CALN1: variants seen among roughly 807,000 people sequenced by gnomAD.
CALN1 encodes the protein calcium-binding protein 8.
Under a neutral mutation model 30.6 loss-of-function variants are expected in CALN1, and 17 were observed. That is an observed-to-expected ratio of 0.56 (90% CI 0.38 to 0.83). CALN1 has a LOEUF of 0.83. CALN1 is among the 40% of genes least tolerant of loss of function. CALN1 has a pLI of 0.00. For missense variants in CALN1, 291 were observed against 354.9 expected (o/e 0.82, Z 1.45); for synonymous variants, 156 against 131.4 (o/e 1.19, Z -1.28).
chr7:72,235,941 A>G (rs1277253576), intron 3 of CALN1, among the ~76,000 whole-genome samples: 3 of 151,886 alleles, frequency 2.0e-5, no homozygotes, highest in African/African-American at 7.3e-5. Context: ...TGGGGTCCAA[A>G]TAACCTGATT....
Position 72,328,710 on chromosome 7 carries a change from T to G in CALN1, c.120-49900A>C, listed in dbSNP as rs115989237. Among the ~76,000 whole-genome samples, 1,046 of 152,358 alleles carry G rather than the reference T, an allele frequency of 6.9e-3. 14 individuals are homozygous for G. Among genetic ancestry groups the G allele is most frequent in the African/African-American group, 0.024 (1,003 of 41,586 alleles). The stretch of plus-strand genomic sequence containing the variant: ...ATCGGTGTCTACATTTATTTACTTT[T>G]GTTGAGACAGAGTCTCGCTCTGTTG... On this transcript the variant is annotated intron_variant, in intron 2 of 6. Transcript: ENST00000395275.
At chr7:72,023,848 C>T (rs17428133) in intron 4 of CALN1, 79 bp from the exon 5 acceptor site, 60,910 of 938,686 alleles carry the variant, frequency 0.065, 2,202 homozygotes, top group Non-Finnish European at 0.073. Flanking sequence ...AACACCTCTA[C>T]GCTTTTCTTC....
At chr7:72,334,571 C>G (rs1352894625) in intron 2 of CALN1, among the ~76,000 whole-genome samples, 1 of 152,100 alleles carries the variant, frequency 6.6e-6, no homozygotes, top group East Asian at 1.9e-4. Context: ...TCAATCAAGT[C>G]TTGCCCATCG....
chr7:72,030,012 A>C (rs844684), intron 4 of CALN1, among the ~76,000 whole-genome samples: 40,699 of 152,038 alleles, frequency 0.27, 9,170 homozygotes, highest in African/African-American at 0.61. Context: ...ATGCAAATGG[A>C]AATTGTCTAA....
At chr7:71,916,482 T>C (rs1305176446) in intron 5 of CALN1, among the ~76,000 whole-genome samples, 1 of 152,032 alleles carries the variant, frequency 6.6e-6, no homozygotes, top group African/African-American at 2.4e-5. Flanking sequence ...TAGAATACTA[T>C]GCAACCATAA....
intron 2 of CALN1, among the ~76,000 whole-genome samples, chr7:72,318,054 T>C (rs939356329): frequency 6.6e-6 from 1 of 152,136 alleles, no homozygotes. Flanking sequence ...AGGGACCCTT[T>C]TTCTCTGGTC....
rs1805454693 is a variant in CALN1, at chr7:72,389,697, A to G, written c.119+13554T>C. Among the ~76,000 whole-genome samples the G allele has an allele frequency of 5.9e-5, 9 of 152,322 alleles. No homozygotes were observed. In the South Asian group the frequency reaches 1.9e-3, roughly 32 times the overall value. On this transcript the variant is annotated intron_variant, in intron 2 of 6. Transcript: ENST00000395275. The stretch of plus-strand genomic sequence containing the variant: ...CACTTTGGGAGGCTGAGGCAAGTGG[A>G]TCACCTGAGGTCAGCAGTTCGAGAC...
At chr7:71,889,658 G>A (rs1172956486) in intron 5 of CALN1, among the ~76,000 whole-genome samples, 2 of 152,114 alleles carry the variant, frequency 1.3e-5, no homozygotes, top group African/African-American at 2.4e-5. Context: ...GTGTTGAAAA[G>A]AATTTGAGCC....
intron 5 of CALN1, among the ~76,000 whole-genome samples, chr7:72,019,731 C>T (rs1033068213): frequency 4.6e-5 from 7 of 152,288 alleles, no homozygotes; most frequent in African/African-American, 1.7e-4. Context: ...TTGGCTGCAA[C>T]TGGATTAGAG....
At chr7:72,418,970 C>A (rs183967404) in intron 1 of CALN1, among the ~76,000 whole-genome samples, 1 of 152,250 alleles carries the variant, frequency 6.6e-6, no homozygotes, top group African/African-American at 2.4e-5. Context: ...GAACTATGAT[C>A]ATGCCACTGC....
rs143041665 is a variant in CALN1, at chr7:71,964,608, G to A, written c.501+59049C>T. ...CAACCGGCTGGGCGCAGTGGCTCAC[G>A]CTGAGATCACGCCACTGCACTCCAG... On this transcript the variant is annotated intron_variant, in intron 5 of 6. Transcript: ENST00000395275. Among the ~76,000 whole-genome samples, 1,022 of 151,962 alleles carry A rather than the reference G, an allele frequency of 6.7e-3. 10 individuals carry two copies. The highest frequency in any genetic ancestry group is 0.023 in the African/African-American group (957 of 41,372).
At chr7:71,997,564 C>A (rs1018680610) in intron 5 of CALN1, among the ~76,000 whole-genome samples, 15 of 152,100 alleles carry the variant, frequency 9.9e-5, no homozygotes, top group Admixed American at 9.8e-4. Flanking sequence ...ACCAAAGATG[C>A]AACAAGCTGA....
chr7:71,899,713 G>A (rs1201608894), intron 5 of CALN1, among the ~76,000 whole-genome samples: 1 of 152,022 alleles, frequency 6.6e-6, no homozygotes, highest in Non-Finnish European at 1.5e-5. Context: ...AGAGGGCCAG[G>A]TCTCCAGGTA....
At chr7:72,112,505 G>C (rs1375369433) in intron 3 of CALN1, among the ~76,000 whole-genome samples, 1 of 152,156 alleles carries the variant, frequency 6.6e-6, no homozygotes, top group Admixed American at 6.5e-5. Context: ...AGTTCAGCGA[G>C]GCTAGGCAAG....
intron 2 of CALN1, among the ~76,000 whole-genome samples, chr7:72,351,509 G>T (rs1231475066): frequency 6.6e-6 from 1 of 152,162 alleles, no homozygotes; most frequent in African/African-American, 2.4e-5. Flanking sequence ...ATGCATTTAT[G>T]GGATTTATAA....
chr7:72,359,913 C>A (rs1585576571), intron 2 of CALN1, among the ~76,000 whole-genome samples: 1 of 140,156 alleles, frequency 7.1e-6, no homozygotes, highest in East Asian at 2.3e-4. Context: ...GGAGGCGGAG[C>A]TTGCAGTGAG....
At chr7:72,060,318 G>C (rs911587774) in intron 4 of CALN1, among the ~76,000 whole-genome samples, 1 of 152,034 alleles carries the variant, frequency 6.6e-6, no homozygotes, top group Non-Finnish European at 1.5e-5. Context: ...CTCTTCTCTT[G>C]TAGCTTGGAT....
At chr7:72,086,078 A>G (rs1805465785) in intron 4 of CALN1, among the ~76,000 whole-genome samples, 1 of 152,204 alleles carries the variant, frequency 6.6e-6, no homozygotes, top group Non-Finnish European at 1.5e-5. Flanking sequence ...GAACATTAAA[A>G]TATAAAAGAA....
chr7:72,083,584 T>TA (rs939416081), intron 4 of CALN1, among the ~76,000 whole-genome samples: 11 of 151,148 alleles, frequency 7.3e-5, no homozygotes, highest in South Asian at 2.1e-4. Flanking sequence ...ACCTCATCTA[T>TA]AAAAAAAATA....
Sources: gnomAD v4.1 joint callset for allele counts (sites outside exome capture counted in the v4.1 genomes callset) on GRCh38, gnomAD v4.1.1 for gene constraint, MANE v1.5 for transcripts, NCBI Gene and HGNC (gene_info 2026-07-23, HGNC 2026-07-21) for gene names.